FRMD4B: variants seen among roughly 807,000 people sequenced by gnomAD.
FRMD4B encodes FERM domain-containing protein 4B.
A neutral mutation model predicts 141.5 loss-of-function variants in FRMD4B; 74 were observed. That is an observed-to-expected ratio of 0.52 (90% CI 0.43 to 0.63). The LOEUF is 0.63. Among genes scored for constraint, FRMD4B ranks in the 30% least tolerant of loss-of-function variants. The pLI, the probability that FRMD4B is intolerant of heterozygous loss-of-function variation, is 0.00. For synonymous variants in FRMD4B, 506 were observed against 467.9 expected, an observed-to-expected ratio of 1.08 and a Z score of -1.05; for missense variants, 1,366 against 1,253.4, an observed-to-expected ratio of 1.09 and a Z score of -1.36.
chr3:69,362,710 C>CAAA (rs1553730363), intron 1 of FRMD4B, among the ~76,000 whole-genome samples: 9 of 148,214 alleles, frequency 6.1e-5, no homozygotes, highest in African/African-American at 1.0e-4. Context: ...ACCCCCCCCC[C>CAAA]AAAAAAACAA....
intron 5 of FRMD4B, among the ~76,000 whole-genome samples, chr3:69,261,605 T>C (rs1482813588): frequency 6.6e-6 from 1 of 152,238 alleles, no homozygotes; most frequent in African/African-American, 2.4e-5. Flanking sequence ...GCACACTTCA[T>C]ACGTGGCTGG....
At chr3:69,501,709 G>C (rs1386676684) in intron 1 of FRMD4B, among the ~76,000 whole-genome samples, 1 of 152,040 alleles carries the variant, frequency 6.6e-6, no homozygotes, top group Non-Finnish European at 1.5e-5. Flanking sequence ...AGAAATAAAG[G>C]GTATTCAATT....
chr3:69,372,819 A>C (rs1027265890), intron 1 of FRMD4B, among the ~76,000 whole-genome samples: 1 of 152,252 alleles, frequency 6.6e-6, no homozygotes, highest in African/African-American at 2.4e-5. Flanking sequence ...GTATACATAC[A>C]TAAATATTCA....
rs183180797 is a variant in FRMD4B at position 69,420,905 on chromosome 3, C to T, written c.-1+11729G>A. 2.7e-4 allele frequency among the ~76,000 whole-genome samples: 41 copies of T among 152,286 alleles called. 1 individual carries two copies. The East Asian group carries it at 6.8e-3, about 25-fold the overall frequency. On this transcript the variant is annotated intron_variant, in intron 2 of 5. Transcript: ENST00000459638. ...ATGACCAACAATATGTTACCAGATG[C>T]GCCCTCCCTGAGAACACTGGACTTG...
At chr3:69,233,308 CTTG>C (rs925511778) in intron 7 of FRMD4B, among the ~76,000 whole-genome samples, 6 of 151,710 alleles carry the variant, frequency 4.0e-5, no homozygotes, top group Non-Finnish European at 8.8e-5. Flanking sequence ...ATGGTGAAAC[CTTG>C]TCTCTATGAA....
chr3:69,418,822 ATGTGTGTGTG>A (rs147894176), intron 2 of FRMD4B, among the ~76,000 whole-genome samples: 15 of 150,360 alleles, frequency 1.0e-4, no homozygotes, highest in African/African-American at 2.7e-4. Context: ...CATAGCAACT[ATGTGTGTGTG>A]TGTGTGTGTG....
chr3:69,331,865 G>A (rs1702379919), intron 1 of FRMD4B, among the ~76,000 whole-genome samples: 1 of 152,124 alleles, frequency 6.6e-6, no homozygotes, highest in Non-Finnish European at 1.5e-5. Context: ...CGAGGTGGGT[G>A]GATCAAGAGG....
At chr3:69,419,320 A>G (rs1270449676) in intron 2 of FRMD4B, among the ~76,000 whole-genome samples, 4 of 152,184 alleles carry the variant, frequency 2.6e-5, no homozygotes, top group African/African-American at 4.8e-5. Context: ...TCAGGCACCA[A>G]TGCCCTGAAA....
At chr3:69,504,859 A>G (rs991325842) in intron 1 of FRMD4B, among the ~76,000 whole-genome samples, 2 of 152,220 alleles carry the variant, frequency 1.3e-5, no homozygotes, top group African/African-American at 4.8e-5. Flanking sequence ...GATATTAGAC[A>G]CTTTCAATTA....
Position 69,252,009 on chromosome 3 carries a change from T to C in FRMD4B, c.502-1910A>G, listed in dbSNP as rs571014782. Among the ~76,000 whole-genome samples, 14 of 152,186 alleles carry C rather than the reference T, an allele frequency of 9.2e-5. No homozygotes were observed. The South Asian group carries it at 2.9e-3, about 32-fold the overall frequency. ...TCTTAAAATCTTAGAGAAGAAAAAA[T>C]TACTTAAGATGTTAAAAACGCTAAA... On this transcript the variant is annotated intron_variant, in intron 5 of 22. Coordinates refer to ENST00000398540, the MANE Select transcript of FRMD4B (RefSeq NM_015123.3).
chr3:69,496,632 AGAGAAAGAGAGAGAGAGAG>A lies in FRMD4B; in HGVS notation c.-129+45555_-129+45573del, dbSNP rs1706398443. Among the ~76,000 whole-genome samples the A allele has an allele frequency of 1.6e-4, 13 of 79,554 alleles. No homozygotes were observed. The South Asian group carries it at 5.4e-3, about 33-fold the overall frequency. The allele number at this position is 79,554 out of a possible 152,430, so 52.2% of individuals were successfully genotyped here. On this transcript the variant is annotated intron_variant, in intron 1 of 5. Transcript: ENST00000459638. ...GAGAGTGAGAGAGAGAGAGAGAGAG[AGAGAAAGAGAGAGAGAGAG>A]AGAGAGAGAGAGAGAGAGAGAGAGA...
chr3:69,487,624 G>A (rs552379313), intron 1 of FRMD4B, among the ~76,000 whole-genome samples: 1 of 152,180 alleles, frequency 6.6e-6, no homozygotes, highest in Admixed American at 6.5e-5. Context: ...CCTCTTAGAA[G>A]ATGTCAAAGA....
intron 7 of FRMD4B, chr3:69,228,512 A>G (rs2093275677): frequency 4.4e-6 from 2 of 450,900 alleles, no homozygotes; most frequent in Non-Finnish European, 4.5e-6. Context: ...TCTGTGTGAT[A>G]GAGATCAAAA....
intron 1 of FRMD4B, among the ~76,000 whole-genome samples, chr3:69,360,355 T>C (rs941927466): frequency 1.3e-5 from 2 of 151,942 alleles, no homozygotes; most frequent in South Asian, 2.1e-4. Flanking sequence ...ATATAAAAGA[T>C]AAGGACTCTT....
Position 69,463,007 on chromosome 3 carries a change from C to T in FRMD4B, c.-128-30246G>A, listed in dbSNP as rs142867628. Among the ~76,000 whole-genome samples, 432 of 152,342 alleles carry T rather than the reference C, an allele frequency of 2.8e-3. 2 individuals carry two copies. The highest frequency in any genetic ancestry group is 1.0e-2 in the African/African-American group (415 of 41,574). On this transcript the variant is annotated intron_variant, in intron 1 of 5. Coordinates refer to the FRMD4B transcript ENST00000459638. ...CACTCCTTCTTATTCACACTCACAC[C>T]TGCTTCCCTGGGATTGCACTCCCCA...
At chr3:69,493,731 A>G (rs1033678747) in intron 1 of FRMD4B, among the ~76,000 whole-genome samples, 2 of 152,216 alleles carry the variant, frequency 1.3e-5, no homozygotes, top group African/African-American at 2.4e-5. Context: ...AGCTTCACGA[A>G]GGCAGGGGCT....
chr3:69,409,319 C>G (rs1363326552), intron 2 of FRMD4B, among the ~76,000 whole-genome samples: 4 of 152,184 alleles, frequency 2.6e-5, no homozygotes, highest in African/African-American at 4.8e-5. Context: ...ACATTTCCAA[C>G]AAGAATTCAT....
chr3:69,303,307 C>A (rs1701280357), intron 3 of FRMD4B, among the ~76,000 whole-genome samples: 1 of 148,294 alleles, frequency 6.7e-6, no homozygotes, highest in Admixed American at 6.8e-5. Context: ...CCAGCCTGGG[C>A]AACATAACCA....
chr3:69,181,331 C>A lies in FRMD4B; in HGVS notation c.2419G>T (p.Ala807Ser), dbSNP rs1388371702. 1.9e-6 allele frequency: 3 copies of A among 1,613,776 alleles called. No individual in the cohort carries two copies. The highest frequency in any genetic ancestry group is 2.5e-6 in the Non-Finnish European group (3 of 1,179,836). The change falls in exon 21 of 23, where the codon GCC becomes TCC. Residue 807 changes from alanine to serine, a missense_variant. Coordinates refer to ENST00000398540, the MANE Select transcript of FRMD4B (RefSeq NM_015123.3). ...CACTCTGCATAGGGTGTGTACCCGG[C>A]AATGTAGTAACTGGAAGACGGTGGC... ...QEPPSSSYYIAGYTPYAECDF... is the reference protein window; with the variant it reads ...QEPPSSSYYISGYTPYAECDF...
Sources: allele counts gnomAD v4.1 joint callset (sites outside exome capture counted in the v4.1 genomes callset), GRCh38; gene constraint gnomAD v4.1.1; transcripts MANE v1.5; gene names NCBI Gene and HGNC (gene_info 2026-07-23, HGNC 2026-07-21).